ADCY2: variants seen among roughly 807,000 people sequenced by gnomAD.
ADCY2 encodes adenylate cyclase 2, also known as adenylate cyclase type 2.
ADCY2 carries 31 observed loss-of-function variants against 125.2 expected under a neutral mutation model. That is an observed-to-expected ratio of 0.25 (90% CI 0.19 to 0.33). The LOEUF is 0.33. ADCY2 is among the 10% of genes least tolerant of loss of function. The pLI is 1.00. For synonymous variants in ADCY2, 512 were observed against 548.4 expected (o/e 0.93, Z 0.93); for missense variants, 904 against 1,418.2 (o/e 0.64, Z 5.82).
chr5:7,629,472 A>T (rs1738246093), intron 4 of ADCY2, among the ~76,000 whole-genome samples: 1 of 152,242 alleles, frequency 6.6e-6, no homozygotes, highest in African/African-American at 2.4e-5. Context: ...CCCATGCTTG[A>T]ATAAAGTGGC....
chr5:7,421,672 T>G (rs1415155804), intron 2 of ADCY2, among the ~76,000 whole-genome samples: 1 of 152,208 alleles, frequency 6.6e-6, no homozygotes, highest in African/African-American at 2.4e-5. Context: ...TCTCTGGTAG[T>G]AGGACAGGCA....
At chr5:7,808,182 G>T (rs1289336332) in intron 22 of ADCY2, among the ~76,000 whole-genome samples, 1 of 152,180 alleles carries the variant, frequency 6.6e-6, no homozygotes, top group Non-Finnish European at 1.5e-5. Flanking sequence ...TCTGAGTCCA[G>T]ATCTTATTTC....
intron 3 of ADCY2, among the ~76,000 whole-genome samples, chr5:7,584,964 TA>T (rs1736579432): frequency 6.6e-6 from 1 of 152,088 alleles, no homozygotes; most frequent in Non-Finnish European, 1.5e-5. Context: ...GCTGACAATG[TA>T]AAATAGTGGA....
intron 4 of ADCY2, among the ~76,000 whole-genome samples, chr5:7,679,440 C>A (rs545771871): frequency 1.6e-4 from 25 of 152,280 alleles, no homozygotes; most frequent in African/African-American, 5.8e-4. Flanking sequence ...GCTTATTTGA[C>A]TGCTTCCCAT....
intron 3 of ADCY2, among the ~76,000 whole-genome samples, chr5:7,542,860 A>G (rs551805711): frequency 3.9e-4 from 60 of 152,336 alleles, no homozygotes; most frequent in African/African-American, 1.3e-3. Context: ...TGGACACATA[A>G]AACTATCACA....
chr5:7,680,540 G>A (rs978779239), intron 4 of ADCY2, among the ~76,000 whole-genome samples: 3 of 152,198 alleles, frequency 2.0e-5, no homozygotes, highest in African/African-American at 7.2e-5. Context: ...GCTAATCAGA[G>A]TACATCTGAC....
chr5:7,576,565 A>G (rs568576249), intron 3 of ADCY2, among the ~76,000 whole-genome samples: 1 of 152,244 alleles, frequency 6.6e-6, no homozygotes, highest in African/African-American at 2.4e-5. Flanking sequence ...GTAAGTAATA[A>G]CAACAGGCCC....
At chr5:7,495,103 T>C (rs1250284004) in intron 2 of ADCY2, among the ~76,000 whole-genome samples, 2 of 152,336 alleles carry the variant, frequency 1.3e-5, no homozygotes, top group African/African-American at 4.8e-5. Flanking sequence ...CAAACCCATA[T>C]TTAATATCCT....
intron 15 of ADCY2, among the ~76,000 whole-genome samples, chr5:7,751,177 G>T (rs13167214): frequency 0.034 from 5,160 of 152,154 alleles, 130 homozygotes; most frequent in Middle Eastern, 0.054. Flanking sequence ...GAAAGTTTAT[G>T]TGGCTCATTT....
At chr5:7,555,444 T>C (rs183546767) in intron 3 of ADCY2, among the ~76,000 whole-genome samples, 14 of 152,362 alleles carry the variant, frequency 9.2e-5, no homozygotes, top group Admixed American at 2.0e-4. Flanking sequence ...CTTTAGCTTT[T>C]ACACTGGTGA....
chr5:7,492,915 C>T (rs1480311092), intron 2 of ADCY2, among the ~76,000 whole-genome samples: 2 of 151,976 alleles, frequency 1.3e-5, no homozygotes, highest in African/African-American at 2.4e-5. Flanking sequence ...GTGATGAGAC[C>T]CCTGCTAAGG....
chr5:7,449,142 GT>G (rs890591372), intron 2 of ADCY2, among the ~76,000 whole-genome samples: 2 of 152,118 alleles, frequency 1.3e-5, no homozygotes, highest in South Asian at 4.1e-4. Context: ...AGCATCTGTT[GT>G]TTTTTGACTT....
intron 23 of ADCY2, 136 bp downstream of exon 23, chr5:7,817,116 CAGAA>C: frequency 1.5e-6 from 1 of 658,706 alleles, no homozygotes; most frequent in Admixed American, 2.7e-5. Context: ...GACTGGATGA[CAGAA>C]GGAAGGACAC....
intron 3 of ADCY2, among the ~76,000 whole-genome samples, chr5:7,540,625 T>TC (rs1403829425): frequency 2.6e-5 from 4 of 152,116 alleles, no homozygotes. Flanking sequence ...GTTAAATATT[T>TC]CCCCAAAGAG....
At chr5:7,531,936 G>C (rs1734661808) in intron 3 of ADCY2, among the ~76,000 whole-genome samples, 1 of 152,140 alleles carries the variant, frequency 6.6e-6, no homozygotes, top group Non-Finnish European at 1.5e-5. Context: ...TCCCTCCATG[G>C]GTTATTGCAG....
Position 7,626,301 on chromosome 5 carries a change from T to A in ADCY2, c.705T>A (p.Phe235Leu). ...NCIKSRIKLE[F>L]EKRQQERLLL... is the part of the protein sequence containing the mutation. ...TCAAGTCGCGGATCAAGTTGGAATT[T>A]GAAAAACGTCAACAGGTAATGGATG... The change falls in exon 4 of 25, where the codon TTT (phenylalanine) becomes TTA (leucine). Residue 235 changes from phenylalanine (F) to leucine (L), a missense_variant. Phe to Leu is a conservative substitution (Grantham distance 22). Coordinates refer to ENST00000338316, the MANE Select transcript of ADCY2 (RefSeq NM_020546.3). 6.2e-7 allele frequency: 1 copy of A among 1,613,874 alleles called. No homozygotes were observed. Among genetic ancestry groups the A allele is most frequent in the Non-Finnish European group, 8.5e-7 (1 of 1,179,884 alleles).
chr5:7,598,086 G>A (rs950125315), intron 3 of ADCY2, among the ~76,000 whole-genome samples: 1 of 152,148 alleles, frequency 6.6e-6, no homozygotes, highest in Admixed American at 6.5e-5. Flanking sequence ...TACAAGATAC[G>A]CATGGTGTGG....
chr5:7,766,476 C>G (rs1743382786), intron 16 of ADCY2, among the ~76,000 whole-genome samples: 1 of 152,116 alleles, frequency 6.6e-6, no homozygotes. Context: ...GCCTCCAATT[C>G]CTTTAATGTG....
intron 5 of ADCY2, chr5:7,691,076 G>A (rs888468788): frequency 1.5e-5 from 5 of 340,514 alleles, no homozygotes; most frequent in Non-Finnish European, 2.6e-5. Context: ...GTCCTTCATA[G>A]CCCTGGCTTC....
Sources: allele counts gnomAD v4.1 joint callset (sites outside exome capture counted in the v4.1 genomes callset), GRCh38; gene constraint gnomAD v4.1.1; transcripts MANE v1.5; gene names NCBI Gene and HGNC (gene_info 2026-07-23, HGNC 2026-07-21).